The following B4GALT1 variants were observed in gnomAD, a reference collection of about 807,000 sequenced individuals.
B4GALT1 encodes the protein beta-1,4-galactosyltransferase 1, also known as N-acetyllactosamine synthase.
A neutral mutation model predicts 34.9 loss-of-function variants in B4GALT1; 16 were observed. The observed-to-expected ratio is 0.46, with a 90% CI of 0.31 to 0.70. The LOEUF is 0.70. Ranked by LOEUF, B4GALT1 falls within the 30% of genes least tolerant of loss-of-function variation. The pLI is 0.05. For synonymous variants in B4GALT1, 221 were observed against 218.1 expected (o/e 1.01, Z -0.12); for missense variants, 445 against 530.5 (o/e 0.84, Z 1.58).
At chr9:33,160,708 G>A (rs1436288855) in intron 1 of B4GALT1, among the ~76,000 whole-genome samples, 5 of 152,124 alleles carry the variant, frequency 3.3e-5, no homozygotes, top group African/African-American at 1.2e-4. Context: ...CGAGGCTGCA[G>A]TGAGCCGTGA....
intron 1 of B4GALT1, among the ~76,000 whole-genome samples, chr9:33,147,044 T>A (rs1293942627): frequency 6.6e-6 from 1 of 151,954 alleles, no homozygotes; most frequent in Admixed American, 6.6e-5. Flanking sequence ...TAGGAAGGAA[T>A]CACAGGAGGA....
At chr9:33,133,673 G>A (rs1313032624) in intron 2 of B4GALT1, among the ~76,000 whole-genome samples, 1 of 152,168 alleles carries the variant, frequency 6.6e-6, no homozygotes, top group Non-Finnish European at 1.5e-5. Flanking sequence ...TGTTCATAGG[G>A]CCCTGGTCTG....
At chr9:33,129,817 G>C (rs912062492) in intron 2 of B4GALT1, among the ~76,000 whole-genome samples, 6 of 152,130 alleles carry the variant, frequency 3.9e-5, no homozygotes, top group Non-Finnish European at 8.8e-5. Flanking sequence ...AGGAACACAG[G>C]GGACAGCATA....
rs368100697 is a variant in B4GALT1 at position 33,122,871 on chromosome 9, G to A, written c.649-2265C>T. On this transcript the variant is annotated intron_variant, in intron 2 of 5. Transcript: ENST00000379731. ...AAGAAATTCAAAGTTTAGGCTGGGC[G>A]TGGTGGCTCACACCTGTAATCCCAG... is the stretch of plus-strand genomic sequence containing the variant. 9.2e-5 allele frequency among the ~76,000 whole-genome samples: 14 copies of A among 152,108 alleles called. 1 individual carries two copies. The highest frequency in any genetic ancestry group is 2.9e-4 in the African/African-American group (12 of 41,486).
chr9:33,177,432 T>C, the B4GALT1 span: 1 of 152,338 alleles, frequency 6.6e-6, no homozygotes, highest in East Asian at 1.9e-4. Flanking sequence ...GTTGGGAAAC[T>C]AGTTTCCATG....
intron 3 of B4GALT1, 49 bp from the exon 4 acceptor site, chr9:33,116,162 G>C (rs772050012): frequency 6.2e-7 from 1 of 1,600,610 alleles, no homozygotes; most frequent in South Asian, 1.1e-5. Context: ...GTTAAGTTCT[G>C]ACATCCCCAA....
intron 2 of B4GALT1, among the ~76,000 whole-genome samples, chr9:33,132,249 G>A (rs925667939): frequency 2.0e-5 from 3 of 152,030 alleles, no homozygotes; most frequent in East Asian, 1.9e-4. Context: ...GAGGGAGGAC[G>A]GGCAGTTCCT....
intron 2 of B4GALT1, chr9:33,104,852 C>A (rs1839782899): frequency 2.3e-6 from 1 of 435,154 alleles, no homozygotes; most frequent in African/African-American, 2.1e-5. Flanking sequence ...CAGTCTCACT[C>A]TGTTGCCCAG....
chr9:33,129,846 G>T (rs3780489), intron 2 of B4GALT1, among the ~76,000 whole-genome samples: 56,026 of 151,500 alleles, frequency 0.37, 10,997 homozygotes, highest in East Asian at 0.59. Flanking sequence ...CACACAGAGG[G>T]GAGAACAGAG....
At position 33,120,563 on chromosome 9, in the gene B4GALT1, C is replaced by A. The variant is rs958557870; in HGVS notation, c.692G>T (p.Gly231Val). ...ATAGTCCTTCAAGGCTTCTTGAAAG[C>A]CAACATTGAGGAGCTTAGCACGATT... ...IFNRAKLLNVGFQEALKDYDY... is the reference protein window; with the variant it reads ...IFNRAKLLNVVFQEALKDYDY... The change falls in exon 3 of 6, where the codon GGC becomes GTC. Residue 231 changes from glycine to valine, a missense_variant. Gly to Val is a moderately radical substitution (Grantham distance 109). Coordinates refer to ENST00000379731, the MANE Select transcript of B4GALT1 (RefSeq NM_001497.4). The A allele has an allele frequency of 1.2e-6, 2 of 1,614,156 alleles. No homozygotes were observed.
intron 1 of B4GALT1, among the ~76,000 whole-genome samples, chr9:33,165,061 C>T (rs1480462600): frequency 3.3e-5 from 5 of 150,468 alleles, no homozygotes; most frequent in South Asian, 2.1e-4. Flanking sequence ...CAACCTCTGC[C>T]TCCCAGGTTC....
intron 1 of B4GALT1, among the ~76,000 whole-genome samples, chr9:33,147,147 C>T (rs900006942): frequency 6.6e-6 from 1 of 152,112 alleles, no homozygotes; most frequent in African/African-American, 2.4e-5. Context: ...GGTGACAGCA[C>T]AGTTCCTAAC....
the B4GALT1 span, among the ~76,000 whole-genome samples, chr9:33,181,965 T>C: frequency 7.5e-6 from 1 of 133,306 alleles, no homozygotes; most frequent in African/African-American, 2.7e-5. Context: ...TTTCTTTCTT[T>C]TTTTTTTTTT....
chr9:33,152,310 ATAAC>A (rs1005093365), intron 1 of B4GALT1, among the ~76,000 whole-genome samples: 18 of 32,452 alleles, frequency 5.5e-4, no homozygotes, highest in Admixed American at 2.9e-3. Context: ...TCTCCAAAAA[ATAAC>A]ATAACATAAC....
chr9:33,167,632 C>A (rs538911143), upstream of B4GALT1, among the ~76,000 whole-genome samples: 67 of 152,360 alleles, frequency 4.4e-4, no homozygotes, highest in South Asian at 6.6e-3. Flanking sequence ...CTCCTCCACG[C>A]TGCCCTCGAC....
At chr9:33,158,248 T>C (rs898836481) in intron 1 of B4GALT1, among the ~76,000 whole-genome samples, 2 of 152,122 alleles carry the variant, frequency 1.3e-5, no homozygotes, top group South Asian at 2.1e-4. Flanking sequence ...TTGCCTAAAA[T>C]GATGTAATGA....
At position 33,113,304 on chromosome 9, in the gene B4GALT1, C is replaced by T. The variant is rs1839890525; in HGVS notation, c.*150G>A. 2 of 1,202,214 alleles carry T rather than the reference C, an allele frequency of 1.7e-6. No homozygotes were observed. Among genetic ancestry groups the T allele is most frequent in the South Asian group, 2.5e-5 (2 of 79,782 alleles). 74.5% of individuals were successfully genotyped at this position (1,202,214 alleles called of 1,614,324 possible). ...TTGGGGGCAAAATATCCCACTCGTC[C>T]TGGTCATCTGGAAAGCCATCTGAAT... is the stretch of plus-strand genomic sequence containing the variant. On this transcript the variant is annotated 3_prime_UTR_variant, in exon 6 of 6. Coordinates refer to ENST00000379731, the MANE Select transcript of B4GALT1 (RefSeq NM_001497.4).
Position 33,167,260 on chromosome 9 carries a change from G to A in B4GALT1, c.-91C>T. ...CCGCCAGGCGCTGCCCCACAGCGGC[G>A]ACTAGGGGAGGGCCCGGAGCGGGGG... On this transcript the variant is annotated 5_prime_UTR_variant, in exon 1 of 6. Coordinates refer to ENST00000379731, the MANE Select transcript of B4GALT1 (RefSeq NM_001497.4). 5 of 1,399,356 alleles carry A rather than the reference G, an allele frequency of 3.6e-6. No homozygotes were observed. Among genetic ancestry groups the A allele is most frequent in the Non-Finnish European group, 4.7e-6 (5 of 1,075,224 alleles). 86.7% of individuals were successfully genotyped at this position (1,399,356 alleles called of 1,614,324 possible). A position where few individuals can be genotyped will look rare whatever the true frequency, so the allele number is the denominator to read the frequency against.
chr9:33,136,903 T>C (rs1016378141), intron 1 of B4GALT1, among the ~76,000 whole-genome samples: 1 of 152,028 alleles, frequency 6.6e-6, no homozygotes, highest in South Asian at 2.1e-4. Context: ...CACCCCCTAC[T>C]CCCGGAATCA....
Sources: allele counts gnomAD v4.1 joint callset (sites outside exome capture counted in the v4.1 genomes callset), GRCh38; gene constraint gnomAD v4.1.1; transcripts MANE v1.5; gene names NCBI Gene and HGNC (gene_info 2026-07-23, HGNC 2026-07-21).